DPF3: variants seen among roughly 807,000 people sequenced by gnomAD.
DPF3 encodes zinc finger protein DPF3.
A neutral mutation model predicts 56.8 loss-of-function variants in DPF3; 18 were observed. The ratio of observed to expected loss-of-function variants is 0.32; its 90% CI spans 0.22 to 0.47. DPF3 has a LOEUF of 0.47. DPF3 is among the 20% of genes least tolerant of loss of function. DPF3 has a pLI of 1.00. For missense variants in DPF3, 403 were observed against 488.8 expected (o/e 0.82, Z 1.65); for synonymous variants, 188 against 180.2 (o/e 1.04, Z -0.35).
At chr14:72,892,635 G>T in intron 1 of DPF3, 1 of 1,136,038 alleles carries the variant, frequency 8.8e-7, no homozygotes, top group Non-Finnish European at 1.1e-6. Context: ...AGTGGCCAGG[G>T]GTGAAGACGA....
intron 1 of DPF3, among the ~76,000 whole-genome samples, chr14:72,855,367 TG>T (rs1166522607): frequency 6.6e-6 from 1 of 152,220 alleles, no homozygotes; most frequent in Non-Finnish European, 1.5e-5. Flanking sequence ...CCATCTCATC[TG>T]TATTCCTGGA....
intron 6 of DPF3, among the ~76,000 whole-genome samples, chr14:72,705,089 A>T (rs1167680460): frequency 2.0e-5 from 3 of 152,108 alleles, no homozygotes; most frequent in African/African-American, 7.2e-5. Context: ...ATAGACTGAC[A>T]CCTGGACTGC....
chr14:72,861,318 T>C (rs1885397920), intron 1 of DPF3, among the ~76,000 whole-genome samples: 1 of 152,200 alleles, frequency 6.6e-6, no homozygotes, highest in Non-Finnish European at 1.5e-5. Context: ...ACTGGATAAC[T>C]TGCATTCCTG....
At chr14:72,627,650 A>G (rs1365903044) in intron 9 of DPF3, among the ~76,000 whole-genome samples, 1 of 152,076 alleles carries the variant, frequency 6.6e-6, no homozygotes, top group Non-Finnish European at 1.5e-5. Context: ...GTTTCTTCAT[A>G]TGAACTTAAG....
chr14:72,724,799 C>G (rs1889329945), intron 4 of DPF3, among the ~76,000 whole-genome samples: 2 of 151,598 alleles, frequency 1.3e-5, no homozygotes, highest in African/African-American at 4.8e-5. Context: ...GCCTCAACCT[C>G]CCAGGCCTAA....
intron 1 of DPF3, chr14:72,806,980 G>C (rs1882812189): frequency 6.6e-6 from 1 of 152,170 alleles, no homozygotes; most frequent in African/African-American, 2.4e-5. Context: ...AGGAGAGTCT[G>C]CCCATTTGAA....
chr14:72,662,129 C>A (rs1386412586), intron 8 of DPF3: 1 of 985,154 alleles, frequency 1.0e-6, no homozygotes, highest in Admixed American at 6.2e-5. Context: ...ATCACCAACA[C>A]TTTCAATAGA....
At chr14:72,804,770 C>A (rs1893024320) in intron 1 of DPF3, among the ~76,000 whole-genome samples, 1 of 152,152 alleles carries the variant, frequency 6.6e-6, no homozygotes, top group Non-Finnish European at 1.5e-5. Flanking sequence ...GAGATTCCTT[C>A]TCACTACTCC....
Position 72,662,074 on chromosome 14 carries a change from G to T in DPF3, c.871+12166C>A. 4 of 985,082 alleles carry T rather than the reference G, an allele frequency of 4.1e-6. No homozygotes were observed. In the African/African-American group the frequency reaches 7.0e-5, roughly 17 times the overall value. 61.0% of individuals were successfully genotyped at this position (985,082 alleles called of 1,614,324 possible). A position where few individuals can be genotyped will look rare whatever the true frequency, so the allele number is the denominator to read the frequency against. On this transcript the variant is annotated intron_variant, in intron 8 of 10. Coordinates refer to ENST00000556509, the MANE Select transcript of DPF3 (RefSeq NM_001280542.3). Reference sequence around the variant, plus strand: ...TGAGGGTGGGGGAAACTGCTGATTTGTGGCTAAGTTATTTCAGTCAAATCT... The same window carrying T: ...TGAGGGTGGGGGAAACTGCTGATTTTTGGCTAAGTTATTTCAGTCAAATCT...
intron 7 of DPF3, among the ~76,000 whole-genome samples, chr14:72,676,885 C>T (rs1182585866): frequency 6.6e-6 from 1 of 152,148 alleles, no homozygotes; most frequent in Non-Finnish European, 1.5e-5. Flanking sequence ...CATTCACTAC[C>T]AACAGACCAT....
Position 72,712,797 on chromosome 14 carries a change from G to A in DPF3, c.604+1626C>T, listed in dbSNP as rs138488641. On this transcript the variant is annotated intron_variant, in intron 6 of 10. Transcript: ENST00000556509. ...CAGGAGGATGGCTTGAGTCCAGGAG[G>A]TCAAGGCTGTAGTGAGCTATAATCC... 4.0e-3 allele frequency among the ~76,000 whole-genome samples: 606 copies of A among 152,336 alleles called. 5 individuals are homozygous for A. The highest frequency in any genetic ancestry group is 0.014 in the Middle Eastern group (4 of 294).
chr14:72,749,608 T>C (rs1383525104), intron 3 of DPF3, among the ~76,000 whole-genome samples: 4 of 152,216 alleles, frequency 2.6e-5, no homozygotes, highest in African/African-American at 9.6e-5. Context: ...AAATCTCATC[T>C]TGTAGCTCCC....
At chr14:72,653,374 G>T (rs1166058943) in intron 8 of DPF3, among the ~76,000 whole-genome samples, 2 of 152,186 alleles carry the variant, frequency 1.3e-5, no homozygotes, top group African/African-American at 2.4e-5. Context: ...CTCACACATG[G>T]CTGCACCTCT....
chr14:72,717,694 C>G (rs566506743), intron 5 of DPF3, among the ~76,000 whole-genome samples: 2 of 152,290 alleles, frequency 1.3e-5, no homozygotes, highest in Admixed American at 1.3e-4. Flanking sequence ...TGAGTTAGAC[C>G]AAGCAGTGTT....
intron 1 of DPF3, among the ~76,000 whole-genome samples, chr14:72,857,628 C>G (rs1045779097): frequency 6.6e-6 from 1 of 152,080 alleles, no homozygotes; most frequent in African/African-American, 2.4e-5. Flanking sequence ...CACTCTGTCA[C>G]CAGGTTGGAG....
intron 2 of DPF3, among the ~76,000 whole-genome samples, chr14:72,768,701 TA>T (rs1409225286): frequency 6.6e-6 from 1 of 152,158 alleles, no homozygotes; most frequent in Non-Finnish European, 1.5e-5. Flanking sequence ...CAAACCCTGA[TA>T]AGTGAAAGCA....
chr14:72,702,224 A>T (rs555919943), intron 6 of DPF3, among the ~76,000 whole-genome samples: 5 of 142,262 alleles, frequency 3.5e-5, no homozygotes, highest in Non-Finnish European at 7.7e-5. Flanking sequence ...TGCTTCACCC[A>T]TGCTCCCTTG....
At chr14:72,767,759 G>GGAA (rs1383383012) in intron 2 of DPF3, among the ~76,000 whole-genome samples, 1 of 13,584 alleles carries the variant, frequency 7.4e-5, no homozygotes, top group Non-Finnish European at 1.9e-4. Flanking sequence ...CCCAAATTTG[G>GGAA]CAAAAAAAAA....
At chr14:72,830,086 C>T (rs961763868) in intron 1 of DPF3, among the ~76,000 whole-genome samples, 3 of 152,180 alleles carry the variant, frequency 2.0e-5, no homozygotes, top group African/African-American at 7.2e-5. Context: ...AAAATTGGAG[C>T]GTTCAATGTG....
Sources: gnomAD v4.1 joint callset for allele counts (sites outside exome capture counted in the v4.1 genomes callset) on GRCh38, gnomAD v4.1.1 for gene constraint, MANE v1.5 for transcripts, NCBI Gene and HGNC (gene_info 2026-07-23, HGNC 2026-07-21) for gene names.